The following DNM1L variants were observed in gnomAD, a reference collection of about 807,000 sequenced individuals.
The protein encoded by DNM1L is dynamin 1L.
Under a neutral mutation model 92.8 loss-of-function variants are expected in DNM1L, and 33 were observed. The ratio of observed to expected loss-of-function variants is 0.36; its 90% CI spans 0.27 to 0.48. The LOEUF (loss-of-function observed/expected upper bound fraction) is 0.48, where lower values mean the gene tolerates loss of function less well. Ranked by LOEUF, DNM1L falls within the 20% of genes least tolerant of loss-of-function variation. The pLI is 0.99. For synonymous variants in DNM1L, 284 were observed against 305.0 expected, an observed-to-expected ratio of 0.93 and a Z score of 0.72; for missense variants, 485 against 888.8, an observed-to-expected ratio of 0.55 and a Z score of 5.78.
At chr12:32,734,765 C>T (rs1450982832) in intron 13 of DNM1L, among the ~76,000 whole-genome samples, 3 of 152,058 alleles carry the variant, frequency 2.0e-5, no homozygotes, top group Admixed American at 1.3e-4. Context: ...GCTGAGATCG[C>T]GCCATTGCAC....
intron 1 of DNM1L, among the ~76,000 whole-genome samples, chr12:32,689,507 T>C (rs1952149299): frequency 6.6e-6 from 1 of 152,208 alleles, no homozygotes; most frequent in Admixed American, 6.5e-5. Flanking sequence ...CTGTTTTAAA[T>C]ACCATAAGAT....
chr12:32,722,825 T>G (rs918103267), intron 9 of DNM1L, 192 bp downstream of exon 9: 2 of 339,586 alleles, frequency 5.9e-6, no homozygotes, highest in African/African-American at 2.1e-5. Flanking sequence ...TAAAGCAAAG[T>G]AAAATTGTCA....
intron 2 of DNM1L, among the ~76,000 whole-genome samples, chr12:32,702,414 G>A (rs1471027476): frequency 1.3e-5 from 2 of 152,018 alleles, no homozygotes; most frequent in Non-Finnish European, 2.9e-5. Flanking sequence ...TTGAATGAGA[G>A]TAACGTATTT....
intron 1 of DNM1L, among the ~76,000 whole-genome samples, chr12:32,700,548 A>G (rs1053967317): frequency 5.9e-5 from 9 of 151,886 alleles, no homozygotes; most frequent in Non-Finnish European, 1.0e-4. Flanking sequence ...GGAGTTTGAG[A>G]CAAGCCTAGG....
At chr12:32,699,796 C>CAA (rs34943495) in intron 1 of DNM1L, among the ~76,000 whole-genome samples, 1,574 of 71,474 alleles carry the variant, frequency 0.022, 47 homozygotes, top group Non-Finnish European at 0.024. Flanking sequence ...GACTCCATCT[C>CAA]AAAAAAAAAA....
chr12:32,710,618 CAAA>C (rs72384937), intron 4 of DNM1L, among the ~76,000 whole-genome samples: 21,568 of 88,822 alleles, frequency 0.24, 1,551 homozygotes, highest in Middle Eastern at 0.36. Context: ...GACCTTGTCT[CAAA>C]AAAAAAAAAA....
intron 1 of DNM1L, among the ~76,000 whole-genome samples, chr12:32,695,860 C>T (rs568925548): frequency 2.8e-4 from 42 of 151,818 alleles, no homozygotes; most frequent in Admixed American, 7.2e-4. Context: ...AGCAAGTAAA[C>T]GTAACAGATA....
chr12:32,736,988 A>G, intron 13 of DNM1L, 117 bp from the exon 14 acceptor site: 3 of 926,610 alleles, frequency 3.2e-6, no homozygotes, highest in South Asian at 1.4e-5. Context: ...ATGAGTCCCA[A>G]CAGTGAGAGG....
At chr12:32,679,684 A>C in intron 1 of DNM1L, 1 of 1,248,924 alleles carries the variant, frequency 8.0e-7, no homozygotes, top group Non-Finnish European at 1.0e-6. Context: ...GGGCCCGGCC[A>C]GGGGCGGAGC....
intron 9 of DNM1L, chr12:32,725,150 A>G (rs1348708514): frequency 2.0e-5 from 3 of 152,068 alleles, no homozygotes; most frequent in Non-Finnish European, 4.4e-5. Context: ...ACCCTTTTCA[A>G]TAATGTGGTA....
chr12:32,701,054 C>A (rs916653003), intron 1 of DNM1L, among the ~76,000 whole-genome samples: 3 of 152,122 alleles, frequency 2.0e-5, no homozygotes, highest in Admixed American at 1.3e-4. Flanking sequence ...GCAGGTGGAT[C>A]ACCTGAGGTC....
intron 1 of DNM1L, among the ~76,000 whole-genome samples, chr12:32,696,383 AACACACACACACACAC>A (rs58224525): frequency 2.1e-5 from 3 of 145,014 alleles, no homozygotes; most frequent in Non-Finnish European, 4.5e-5. Flanking sequence ...CACACACACA[AACACACACACACACAC>A]ACACACACAC....
chr12:32,724,593 A>T (rs4931650), intron 9 of DNM1L, among the ~76,000 whole-genome samples: 7,089 of 64,312 alleles, frequency 0.11, 260 homozygotes, highest in East Asian at 0.24. Flanking sequence ...AAAAAAAAAA[A>T]ATATATATAT....
chr12:32,710,888 A>T (rs926905940), intron 4 of DNM1L, 41 bp from the exon 5 acceptor site: 3 of 1,408,230 alleles, frequency 2.1e-6, no homozygotes, highest in Non-Finnish European at 2.9e-6. Context: ...ATTACTTCAT[A>T]GTTCATTGAA....
intron 7 of DNM1L, among the ~76,000 whole-genome samples, chr12:32,718,986 C>G (rs1032282585): frequency 6.7e-6 from 1 of 150,138 alleles, no homozygotes; most frequent in Non-Finnish European, 1.5e-5. Context: ...GGGTCTCTCT[C>G]TGTTGCCTAG....
At chr12:32,690,657 C>T (rs1952193546) in intron 1 of DNM1L, among the ~76,000 whole-genome samples, 1 of 152,128 alleles carries the variant, frequency 6.6e-6, no homozygotes, top group Non-Finnish European at 1.5e-5. Context: ...TCAGCTAACT[C>T]ATATATAAAG....
intron 5 of DNM1L, among the ~76,000 whole-genome samples, chr12:32,712,023 A>G (rs1230559477): frequency 6.6e-6 from 1 of 152,170 alleles, no homozygotes; most frequent in African/African-American, 2.4e-5. Context: ...GTATATCCAG[A>G]ACTCAATCGT....
At chr12:32,738,064 T>C in intron 15 of DNM1L, 122 bp downstream of exon 15, 1 of 1,134,590 alleles carries the variant, frequency 8.8e-7, no homozygotes, top group Non-Finnish European at 1.3e-6. Flanking sequence ...GTCAGATCAC[T>C]TTAGTCTAAT....
chr12:32,698,124 G>A (rs114416324), intron 1 of DNM1L, among the ~76,000 whole-genome samples: 1,555 of 152,178 alleles, frequency 0.01, 34 homozygotes, highest in African/African-American at 0.035. Context: ...AATGAGAGGG[G>A]CTACCCTGGA....
Sources: allele counts gnomAD v4.1 joint callset (sites outside exome capture counted in the v4.1 genomes callset), GRCh38; gene constraint gnomAD v4.1.1; transcripts MANE v1.5; gene names NCBI Gene and HGNC (gene_info 2026-07-23, HGNC 2026-07-21).